NIBAN2: variants seen among roughly 807,000 people sequenced by gnomAD.
The protein encoded by NIBAN2 is protein Niban 2.
NIBAN2 carries 36 observed loss-of-function variants against 81.8 expected under a neutral mutation model. That is an observed-to-expected ratio of 0.44 (90% confidence interval 0.34 to 0.58). NIBAN2 has a LOEUF of 0.58. Among genes scored for constraint, NIBAN2 ranks in the 20% least tolerant of loss-of-function variants. The probability of loss-of-function intolerance (pLI) is 0.02; values close to 1 mark genes in which losing one functional copy is unlikely to be tolerated. For synonymous variants in NIBAN2, 445 were observed against 441.6 expected (o/e 1.01, Z -0.10); for missense variants, 897 against 1,014.1 (o/e 0.88, Z 1.57).
intron 1 of NIBAN2, among the ~76,000 whole-genome samples, chr9:127,551,176 G>T (rs1837569238): frequency 6.6e-6 from 1 of 152,020 alleles, no homozygotes; most frequent in African/African-American, 2.4e-5. Context: ...ATCACCTGAG[G>T]TCAGGAGTTC....
intron 1 of NIBAN2, among the ~76,000 whole-genome samples, chr9:127,554,456 C>T (rs780589325): frequency 2.0e-5 from 3 of 151,790 alleles, no homozygotes; most frequent in African/African-American, 7.3e-5. Context: ...GGGCTCCAGT[C>T]GGGCCAGAAT....
In NIBAN2 at chr9:127,517,141, G is replaced by T. The variant is rs765537378; in HGVS notation, c.781C>A (p.Pro261Thr). Residue 261 changes from proline (P) to threonine (T), a missense_variant, in exon 7 of 14, where the codon CCG becomes ACG. This residue lies in a region of NIBAN2 where 619 missense variants were observed against 691.0 expected (regional missense o/e 0.90). Coordinates refer to ENST00000373312, the MANE Select transcript of NIBAN2 (RefSeq NM_022833.4). This position sits in a 1 kb window ranked among gnomAD's most constrained non-coding sequence, Gnocchi z 4.0. ...AELGPRLKGK[P>T]QERQRQWIQI... is the part of the protein sequence containing the mutation. ...ATCCACTGCCGCTGCCGCTCCTGCG[G>T]TTTCCCCTTCAGCCGCGGGCCGAGC... The T allele has an allele frequency of 6.2e-7, 1 of 1,614,006 alleles. No individual in the cohort carries two copies. The highest frequency in any genetic ancestry group is 1.3e-5 in the African/African-American group (1 of 75,064).
At chr9:127,568,148 G>C (rs1837890541) in intron 1 of NIBAN2, among the ~76,000 whole-genome samples, 1 of 152,216 alleles carries the variant, frequency 6.6e-6, no homozygotes, top group Admixed American at 6.5e-5. Flanking sequence ...GAAGAACAGG[G>C]TTGAAGGGGC....
Position 127,507,533 on chromosome 9 carries a change from G to A in NIBAN2, c.1655-102C>T, listed in dbSNP as rs568275695. 5.6e-6 allele frequency: 6 copies of A among 1,075,258 alleles called. No homozygotes were observed. The African/African-American group carries it at 8.0e-5, about 14-fold the overall frequency. 66.6% of individuals were successfully genotyped at this position (1,075,258 alleles called of 1,614,324 possible). ...AGACCCGTCTCATCCCGCCTTGGGG[G>A]TCTGTGGTTGGGATGTGACTCATTC... On this transcript the variant is annotated intron_variant, in intron 13 of 13. Transcript: ENST00000373312. This position sits in a 1 kb window ranked among gnomAD's most constrained non-coding sequence, Gnocchi z 6.8.
At chr9:127,544,479 T>C (rs945312563) in intron 1 of NIBAN2, among the ~76,000 whole-genome samples, 3 of 152,012 alleles carry the variant, frequency 2.0e-5, no homozygotes, top group South Asian at 2.1e-4. Context: ...TGTTATTCTT[T>C]TTTTCTTTTA....
At chr9:127,560,111 C>G (rs865922844) in intron 1 of NIBAN2, among the ~76,000 whole-genome samples, 5 of 152,292 alleles carry the variant, frequency 3.3e-5, no homozygotes, top group Middle Eastern at 3.4e-3. Context: ...GAAGAAGGTT[C>G]TCATTTTCAG....
At chr9:127,530,874 C>T (rs1837166088) in intron 2 of NIBAN2, among the ~76,000 whole-genome samples, 1 of 152,092 alleles carries the variant, frequency 6.6e-6, no homozygotes, top group Admixed American at 6.5e-5. Context: ...CTGGGTTACC[C>T]ACCTATTCAG....
chr9:127,565,946 TCACACACACACACACACACACACA>T (rs10682812), intron 1 of NIBAN2, among the ~76,000 whole-genome samples: 1 of 130,558 alleles, frequency 7.7e-6, no homozygotes, highest in Non-Finnish European at 1.6e-5. Context: ...TCTCTCTCTC[TCACACACACACACACACACACACA>T]CACACACACA....
At chr9:127,562,193 C>G (rs183269925) in intron 1 of NIBAN2, among the ~76,000 whole-genome samples, 14 of 152,270 alleles carry the variant, frequency 9.2e-5, no homozygotes, top group Admixed American at 9.2e-4. Context: ...GGCTCCTCCT[C>G]CCACTTCCTC....
At chr9:127,574,256 T>G (rs1271906178) in intron 1 of NIBAN2, among the ~76,000 whole-genome samples, 1 of 152,166 alleles carries the variant, frequency 6.6e-6, no homozygotes, top group African/African-American at 2.4e-5. Context: ...GCCCACTTGC[T>G]GGGCCTGCCC....
chr9:127,550,560 A>C (rs1031795871), intron 1 of NIBAN2, among the ~76,000 whole-genome samples: 9 of 152,192 alleles, frequency 5.9e-5, no homozygotes, highest in African/African-American at 2.2e-4. Flanking sequence ...TTATCCCCTG[A>C]CTATGTGACA....
chr9:127,578,816 C>A (rs4240419), intron 1 of NIBAN2: 6 of 1,070,606 alleles, frequency 5.6e-6, no homozygotes, highest in East Asian at 5.1e-5. Flanking sequence ...ATGATCATTC[C>A]GCTGCACTCC....
rs1158140264 is a variant in NIBAN2 at position 127,506,756 on chromosome 9, C to A, written c.*89G>T. On this transcript the variant is annotated 3_prime_UTR_variant, in exon 14 of 14. Coordinates refer to ENST00000373312, the MANE Select transcript of NIBAN2 (RefSeq NM_022833.4). ...CTGCCCCGCCTCCACCCACAAGGCACAGACCAGGGTGCCCTCCCCAGAGCT... is the reference window on the plus strand; with the variant it reads ...CTGCCCCGCCTCCACCCACAAGGCAAAGACCAGGGTGCCCTCCCCAGAGCT... 1 of 1,286,670 alleles carries A rather than the reference C, an allele frequency of 7.8e-7. No homozygotes were observed. Among genetic ancestry groups the A allele is most frequent in the Non-Finnish European group, 1.1e-6 (1 of 937,740 alleles). 79.7% of individuals were successfully genotyped at this position (1,286,670 alleles called of 1,614,324 possible). A position where few individuals can be genotyped will look rare whatever the true frequency, so the allele number is the denominator to read the frequency against.
At chr9:127,521,932 T>C (rs1395633393) in intron 5 of NIBAN2, among the ~76,000 whole-genome samples, 1 of 152,186 alleles carries the variant, frequency 6.6e-6, no homozygotes, top group Non-Finnish European at 1.5e-5. Context: ...TCATCCCCAC[T>C]GCACACATGG....
At chr9:127,578,675 A>G (rs1339386274) in intron 1 of NIBAN2, among the ~76,000 whole-genome samples, 3 of 146,452 alleles carry the variant, frequency 2.0e-5, no homozygotes, top group Admixed American at 6.7e-5. Context: ...CCTAAAAAAA[A>G]AAAAGAAAAG....
Position 127,508,151 on chromosome 9 carries a change from GC to G in NIBAN2, c.1483del (p.Ala495ArgfsTer28). ...SSVRKRFFRE[A>X]LLQISIPFLL... is the part of the protein sequence containing the mutation. ...GAACGGGATGCTGATCTGCAGCAGCGCCTCCCGGAAGAACCTCTTCCGCACA... is the reference window on the plus strand; with the variant it reads ...GAACGGGATGCTGATCTGCAGCAGCGCTCCCGGAAGAACCTCTTCCGCACA... On this transcript the variant is annotated frameshift_variant, in exon 12 of 14. Transcript: ENST00000373312. LOFTEE classifies it high-confidence loss of function. The surrounding 1 kb of genome is among the most constrained non-coding windows in gnomAD (Gnocchi z 6.4). The G allele has an allele frequency of 6.2e-7, 1 of 1,613,552 alleles. No individual in the cohort carries two copies.
chr9:127,537,627 A>G (rs1837303389), intron 1 of NIBAN2, among the ~76,000 whole-genome samples: 1 of 152,198 alleles, frequency 6.6e-6, no homozygotes, highest in South Asian at 2.1e-4. Context: ...GCTGGCGCCC[A>G]GAGCCGTTGG....
At chr9:127,526,549 A>G (rs1256401683) in intron 3 of NIBAN2, among the ~76,000 whole-genome samples, 3 of 152,170 alleles carry the variant, frequency 2.0e-5, no homozygotes, top group Non-Finnish European at 2.9e-5. Flanking sequence ...ACTCTGGGGC[A>G]CGAGGTTGCT....
At position 127,506,994 on chromosome 9, in the gene NIBAN2, G is replaced by A; in HGVS notation, c.2092C>T (p.Leu698Phe). 3 of 1,598,112 alleles carry A rather than the reference G, an allele frequency of 1.9e-6. No individual in the cohort carries two copies. The highest frequency in any genetic ancestry group is 2.6e-6 in the Non-Finnish European group (3 of 1,171,116). ...PEASSPPASP[L>F]QHLLPGKAVD... Reference sequence around the variant, plus strand: ...GCCTTTCCAGGCAGGAGATGCTGGAGGGGTGAGGCAGGCGGCGAGGAGGCC... The same window carrying A: ...GCCTTTCCAGGCAGGAGATGCTGGAAGGGTGAGGCAGGCGGCGAGGAGGCC... Residue 698 changes from leucine (L) to phenylalanine (F), a missense_variant, in exon 14 of 14, where the codon CTC (leucine) becomes TTC (phenylalanine). Physicochemically the swap from Leu to Phe is conservative, Grantham distance 22. Transcript: ENST00000373312.
Sources: gnomAD v4.1 joint callset for allele counts (sites outside exome capture counted in the v4.1 genomes callset) on GRCh38, gnomAD v4.1.1 for gene constraint, gnomAD v4.1.1 regional missense constraint, Gnocchi (gnomAD v3.1) non-coding constraint, MANE v1.5 for transcripts, NCBI Gene and HGNC (gene_info 2026-07-23, HGNC 2026-07-21) for gene names.